Variants in RSRP1 observed in about 807,000 individuals in gnomAD.
RSRP1 encodes the protein arginine and serine rich protein 1, also known as arginine/serine-rich protein 1.
Under a neutral mutation model 33.0 loss-of-function variants are expected in RSRP1, and 37 were observed. That is an observed-to-expected ratio of 1.12 (90% CI 0.86 to 1.48). The LOEUF (loss-of-function observed/expected upper bound fraction) is 1.48. Among genes scored for constraint, RSRP1 ranks in the 40% most tolerant of loss-of-function variants. RSRP1 has a pLI of 0.00. For synonymous variants in RSRP1, 167 were observed against 158.7 expected (o/e 1.05, Z -0.40); for missense variants, 402 against 385.3 (o/e 1.04, Z -0.36).
chr1:25,275,988 T>G (rs1256978522), intron 1 of RSRP1, among the ~76,000 whole-genome samples: 1 of 132,620 alleles, frequency 7.5e-6, no homozygotes, highest in East Asian at 1.9e-4. Context: ...TTTGTGAAAG[T>G]TTGTTGAGTT....
rs1215140206 is a variant in RSRP1 at position 25,277,836 on chromosome 1, G to A, written c.-66-30807C>T. 4.7e-5 allele frequency among the ~76,000 whole-genome samples: 6 copies of A among 126,674 alleles called. 1 individual carries two copies. Among genetic ancestry groups the A allele is most frequent in the Non-Finnish European group, 9.3e-5 (5 of 53,752 alleles). 83.1% of individuals were successfully genotyped at this position (126,674 alleles called of 152,430 possible). ...ATTACAGGCATGCGCCACCACGCCC[G>A]GCTAATTTTGTATTTTTAGTAGAGA... On this transcript the variant is annotated intron_variant, in intron 1 of 1. Coordinates refer to the RSRP1 transcript ENST00000561867.
Position 25,285,602 on chromosome 1 carries a change from T to G in RSRP1, c.-66-38573A>C, listed in dbSNP as rs181832272. ...GTATGGTGCCAGAAGTCAGAATAGT[T>G]GTTACCTGGGCAGGAGGTGGATATT... On this transcript the variant is annotated intron_variant, in intron 1 of 1. Coordinates refer to the RSRP1 transcript ENST00000561867. Among the ~76,000 whole-genome samples, 34 of 135,170 alleles carry G rather than the reference T, an allele frequency of 2.5e-4. 4 individuals carry two copies. Among genetic ancestry groups the G allele is most frequent in the African/African-American group, 7.4e-4 (29 of 39,106 alleles). The allele number at this position is 135,170 out of a possible 152,430, so 88.7% of individuals were successfully genotyped here. A position where few individuals can be genotyped will look rare whatever the true frequency, so the allele number is the denominator to read the frequency against.
chr1:25,246,743 T>C lies in RSRP1; in HGVS notation c.221A>G (p.Tyr74Cys). The C allele has an allele frequency of 6.2e-7, 1 of 1,609,562 alleles. No homozygotes were observed. Reference sequence around the variant, plus strand: ...CGAGTATGACCGCGAGTAGCGCCTGTACTTCCGCTGGTGGCGCCTTCGGGA... The same window carrying C: ...CGAGTATGACCGCGAGTAGCGCCTGCACTTCCGCTGGTGGCGCCTTCGGGA... ...SRSRRRHQRK[Y>C]RRYSRSYSRS... The change falls in exon 2 of 5, where the codon TAC (tyrosine) becomes TGC (cysteine). Residue 74 changes from tyrosine to cysteine, a missense_variant. Coordinates refer to ENST00000243189, the MANE Select transcript of RSRP1 (RefSeq NM_020317.5).
At chr1:25,253,817 A>G (rs1639865168) in intron 1 of RSRP1, 1 of 152,296 alleles carries the variant, frequency 6.6e-6, no homozygotes, top group Non-Finnish European at 1.5e-5. Context: ...TACAAGACAA[A>G]GTTGGAGCAG....
At chr1:25,269,578 G>A (rs1192816916) in intron 1 of RSRP1, among the ~76,000 whole-genome samples, 2 of 132,756 alleles carry the variant, frequency 1.5e-5, no homozygotes, top group African/African-American at 5.1e-5. Context: ...ACATTTTACT[G>A]TATTTGGTTT....
chr1:25,303,259 T>C (rs1447874623), intron 1 of RSRP1: 1 of 1,092,814 alleles, frequency 9.2e-7, no homozygotes, highest in Non-Finnish European at 1.4e-6. Flanking sequence ...TGCTGGTCAC[T>C]TGCAGCAAGA....
chr1:25,250,878 G>A (rs778878861), upstream of RSRP1, among the ~76,000 whole-genome samples: 3 of 152,016 alleles, frequency 2.0e-5, no homozygotes, highest in Admixed American at 1.3e-4. Flanking sequence ...GCGAGGTGGC[G>A]TCCGCCTGTA....
chr1:25,320,324 T>C (rs1375578615), intron 1 of RSRP1, among the ~76,000 whole-genome samples: 3 of 132,350 alleles, frequency 2.3e-5, no homozygotes, highest in Admixed American at 2.2e-4. Flanking sequence ...GTGTTCCTAG[T>C]GATGGTTCTG....
rs147170233 is a variant in RSRP1 at position 25,270,398 on chromosome 1, C to T, written c.-66-23369G>A. Among the ~76,000 whole-genome samples, 1,191 of 130,822 alleles carry T rather than the reference C, an allele frequency of 9.1e-3. 313 individuals are homozygous for T. Among genetic ancestry groups the T allele is most frequent in the Non-Finnish European group, 0.015 (845 of 55,464 alleles). 85.8% of individuals were successfully genotyped at this position (130,822 alleles called of 152,430 possible). ...CCAGCGAGCACTACCGCCTGAGCTC[C>T]GCCTCCTGTCAGATCAGCAGCGGCA... On this transcript the variant is annotated intron_variant, in intron 1 of 1. Coordinates refer to the RSRP1 transcript ENST00000561867.
chr1:25,333,195 G>T lies in RSRP1; in HGVS notation c.-67+4783C>A, dbSNP rs1349318617. Among the ~76,000 whole-genome samples, 5 of 131,934 alleles carry T rather than the reference G, an allele frequency of 3.8e-5. 2 individuals carry two copies. Among genetic ancestry groups the T allele is most frequent in the African/African-American group, 1.3e-4 (5 of 38,454 alleles). The allele number at this position is 131,934 out of a possible 152,430, so 86.6% of individuals were successfully genotyped here. A position where few individuals can be genotyped will look rare whatever the true frequency, so the allele number is the denominator to read the frequency against. ...GTTGAGGGCGGATGGTTCCCTCTTA[G>T]CCCATTCAGTCATATATCAATCTCT... On this transcript the variant is annotated intron_variant, in intron 1 of 1. Transcript: ENST00000561867.
chr1:25,301,694 G>C (rs763032451), intron 1 of RSRP1: 1 of 1,378,494 alleles, frequency 7.3e-7, no homozygotes, highest in Non-Finnish European at 1.0e-6. Flanking sequence ...AAGGTGAGCA[G>C]GGCGCTGCCC....
At position 25,316,436 on chromosome 1, in the gene RSRP1, A is replaced by G. The variant is rs1479580610; in HGVS notation, c.-67+21542T>C. Among the ~76,000 whole-genome samples the G allele has an allele frequency of 9.4e-5, 12 of 127,636 alleles. 3 individuals carry two copies. Among genetic ancestry groups the G allele is most frequent in the African/African-American group, 3.0e-4 (11 of 36,996 alleles). 83.7% of individuals were successfully genotyped at this position (127,636 alleles called of 152,430 possible). A position where few individuals can be genotyped will look rare whatever the true frequency, so the allele number is the denominator to read the frequency against. Reference sequence around the variant, plus strand: ...GGAGTTCGAGATCACCCTGGTCAACATGGTGAAACCCCGTCTCTATTAATA... The same window carrying G: ...GGAGTTCGAGATCACCCTGGTCAACGTGGTGAAACCCCGTCTCTATTAATA... On this transcript the variant is annotated intron_variant, in intron 1 of 1. Transcript: ENST00000561867.
chr1:25,243,496 C>T lies in RSRP1; in HGVS notation c.756+54G>A, dbSNP rs184177333. On this transcript the variant is annotated intron_variant, in intron 4 of 4. Transcript: ENST00000243189. ...CCACAAAGATAAAAACACAAAGATG[C>T]AAAAATACATCCTAAATCCAATTTT... is the stretch of plus-strand genomic sequence containing the variant. 3.8e-5 allele frequency: 60 copies of T among 1,592,376 alleles called. No homozygotes were observed. The African/African-American group carries it at 6.9e-4, about 18-fold the overall frequency.
At chr1:25,248,549 AT>A (rs1282510766), upstream of RSRP1, among the ~76,000 whole-genome samples, 1 of 152,022 alleles carries the variant, frequency 6.6e-6, no homozygotes, top group Non-Finnish European at 1.5e-5. Flanking sequence ...GGCTCAAGCG[AT>A]TCTTCCGCCT....
intron 1 of RSRP1, chr1:25,318,243 G>T (rs1390013862): frequency 7.8e-6 from 1 of 128,496 alleles, no homozygotes; most frequent in Non-Finnish European, 1.8e-5. Context: ...AACCCGGGAG[G>T]CAGAGGTTGC....
chr1:25,282,971 T>G (rs1389425640), intron 1 of RSRP1, among the ~76,000 whole-genome samples: 5 of 132,162 alleles, frequency 3.8e-5, no homozygotes, highest in Admixed American at 2.9e-4. Flanking sequence ...CTCCCAAACT[T>G]AGAGACAATA....
chr1:25,322,558 A>G lies in RSRP1; in HGVS notation c.-67+15420T>C, dbSNP rs571660413. Among the ~76,000 whole-genome samples the G allele has an allele frequency of 3.8e-5, 5 of 132,660 alleles. 1 individual carries two copies. The highest frequency in any genetic ancestry group is 2.0e-4 in the East Asian group (1 of 5,092). The allele number at this position is 132,660 out of a possible 152,430, so 87.0% of individuals were successfully genotyped here. ...TGTGGTGGCACATGCCTGTAATCCCAGTTACTCAGGAGGCTGAGGCAGGAG... is the reference window on the plus strand; with the variant it reads ...TGTGGTGGCACATGCCTGTAATCCCGGTTACTCAGGAGGCTGAGGCAGGAG... On this transcript the variant is annotated intron_variant, in intron 1 of 1. Coordinates refer to the RSRP1 transcript ENST00000561867.
chr1:25,328,811 A>C (rs1571773280), intron 1 of RSRP1: 1 of 614,076 alleles, frequency 1.6e-6, no homozygotes, highest in East Asian at 2.6e-5. Flanking sequence ...GGTCTTTGTA[A>C]TGAGACATTT....
chr1:25,254,580 C>T (rs906359958), intron 1 of RSRP1, among the ~76,000 whole-genome samples: 3 of 152,018 alleles, frequency 2.0e-5, no homozygotes, highest in East Asian at 1.9e-4. Flanking sequence ...GGATTATAGG[C>T]GCCTGCCACC....
Sources: allele counts gnomAD v4.1 joint callset (sites outside exome capture counted in the v4.1 genomes callset), GRCh38; gene constraint gnomAD v4.1.1; transcripts MANE v1.5; gene names NCBI Gene and HGNC (gene_info 2026-07-23, HGNC 2026-07-21).